Variants in IGFL2 observed in about 807,000 individuals in gnomAD.
IGFL2 encodes IGF like family member 2, also known as insulin growth factor-like family member 2.
A neutral mutation model predicts 13.9 loss-of-function variants in IGFL2; 7 were observed. The observed-to-expected ratio is 0.51, with a 90% CI of 0.29 to 0.95. The LOEUF is 0.95. Among genes scored for constraint, IGFL2 ranks in the 40% least tolerant of loss-of-function variants. The pLI, the probability that IGFL2 is intolerant of heterozygous loss-of-function variation, is 0.08. For synonymous variants in IGFL2, 55 were observed against 55.8 expected, an observed-to-expected ratio of 0.99 and a Z score of 0.07; for missense variants, 138 against 147.8, an observed-to-expected ratio of 0.93 and a Z score of 0.34.
At chr19:46,136,852 G>T in the IGFL2 span, 1 of 723,388 alleles carries the variant, frequency 1.4e-6, no homozygotes, top group Non-Finnish European at 2.6e-6. Flanking sequence ...ATTGGAGTAG[G>T]GGGAGGAGTG....
chr19:46,139,064 TGGCAAGAGTG>T (rs917680415), upstream of IGFL2, among the ~76,000 whole-genome samples: 1 of 152,088 alleles, frequency 6.6e-6, no homozygotes, highest in Admixed American at 6.5e-5. Context: ...TGGAGGTCTC[TGGCAAGAGTG>T]GGCCACTCCA....
the IGFL2 span, chr19:46,212,512 C>G: frequency 6.6e-6 from 1 of 152,216 alleles, no homozygotes; most frequent in Non-Finnish European, 1.5e-5. Context: ...TTCTTCCCCT[C>G]TGTTTTTTCG....
At chr19:46,144,915 C>T (rs1236391945), upstream of IGFL2, among the ~76,000 whole-genome samples, 5 of 152,268 alleles carry the variant, frequency 3.3e-5, no homozygotes, top group Admixed American at 1.3e-4. Context: ...GTATCTGACA[C>T]GGTGCCTTTG....
At chr19:46,165,747 A>G (rs1974371821), downstream of IGFL2, among the ~76,000 whole-genome samples, 1 of 152,218 alleles carries the variant, frequency 6.6e-6, no homozygotes, top group South Asian at 2.1e-4. Flanking sequence ...ATCCACTGAT[A>G]GTATCTGGCT....
the IGFL2 span, among the ~76,000 whole-genome samples, chr19:46,101,754 C>T: frequency 5.7e-3 from 875 of 152,326 alleles, 8 homozygotes; most frequent in African/African-American, 0.019. Flanking sequence ...AGGCAGACTC[C>T]GGCCCAACCG....
chr19:46,174,509 A>G, the IGFL2 span, among the ~76,000 whole-genome samples: 126 of 152,360 alleles, frequency 8.3e-4, 2 homozygotes, highest in Middle Eastern at 0.017. Context: ...AGCATAGCTG[A>G]AAGTTTCCCA....
At chr19:46,110,927 A>G in the IGFL2 span, among the ~76,000 whole-genome samples, 4 of 152,134 alleles carry the variant, frequency 2.6e-5, no homozygotes, top group African/African-American at 9.7e-5. Context: ...ATATTCCTTG[A>G]TTTAATAATG....
At chr19:46,099,736 C>G in the IGFL2 span, among the ~76,000 whole-genome samples, 1 of 152,006 alleles carries the variant, frequency 6.6e-6, no homozygotes, top group African/African-American at 2.4e-5. Context: ...CCATCTTATC[C>G]AGGCTGGTCT....
intron 1 of IGFL2, 149 bp downstream of exon 1, chr19:46,148,446 C>T: frequency 4.0e-6 from 3 of 745,290 alleles, no homozygotes; most frequent in Middle Eastern, 5.4e-4. Context: ...ATTGCAATCT[C>T]TCTTCCCCAC....
At chr19:46,083,120 A>G in the IGFL2 span, among the ~76,000 whole-genome samples, 1 of 152,210 alleles carries the variant, frequency 6.6e-6, no homozygotes, top group Non-Finnish European at 1.5e-5. Flanking sequence ...TTAGTTTTCA[A>G]TTAGTTTTTC....
chr19:46,147,479 A>G (rs1973199734), upstream of IGFL2, among the ~76,000 whole-genome samples: 1 of 152,230 alleles, frequency 6.6e-6, no homozygotes, highest in Admixed American at 6.5e-5. Flanking sequence ...TCATAAGTCA[A>G]ATACTTGAAA....
chr19:46,098,862 T>C, the IGFL2 span, among the ~76,000 whole-genome samples: 1 of 152,224 alleles, frequency 6.6e-6, no homozygotes, highest in Admixed American at 6.5e-5. Context: ...GATCCTGTCA[T>C]CATGATGCTA....
chr19:46,121,565 C>T, the IGFL2 span, among the ~76,000 whole-genome samples: 5 of 150,036 alleles, frequency 3.3e-5, no homozygotes, highest in African/African-American at 1.2e-4. Context: ...AATTATGAGA[C>T]AAAGACAAGA....
At chr19:46,103,045 C>T in the IGFL2 span, among the ~76,000 whole-genome samples, 1 of 151,970 alleles carries the variant, frequency 6.6e-6, no homozygotes, top group African/African-American at 2.4e-5. Flanking sequence ...ACACAAGGTC[C>T]AAATAAGAGA....
At chr19:46,124,382 CA>C in the IGFL2 span, 1 of 1,445,662 alleles carries the variant, frequency 6.9e-7, no homozygotes, top group Non-Finnish European at 9.6e-7. Flanking sequence ...ATGGAAAAAA[CA>C]AACAAACAAA....
chr19:46,108,926 G>A, the IGFL2 span, among the ~76,000 whole-genome samples: 1 of 152,216 alleles, frequency 6.6e-6, no homozygotes, highest in Non-Finnish European at 1.5e-5. Context: ...AGAAGAGAGT[G>A]AAAAGACCGC....
At chr19:46,127,086 TAAG>T in the IGFL2 span, among the ~76,000 whole-genome samples, 1 of 152,128 alleles carries the variant, frequency 6.6e-6, no homozygotes, top group African/African-American at 2.4e-5. Context: ...TGTGCTTTCT[TAAG>T]AAAGCTGCAA....
chr19:46,134,179 T>C, the IGFL2 span, among the ~76,000 whole-genome samples: 1 of 152,224 alleles, frequency 6.6e-6, no homozygotes, highest in South Asian at 2.1e-4. Flanking sequence ...ACATTCTTTC[T>C]GGAATCTTGG....
At chr19:46,125,972 A>G in the IGFL2 span, among the ~76,000 whole-genome samples, 1 of 152,236 alleles carries the variant, frequency 6.6e-6, no homozygotes, top group African/African-American at 2.4e-5. Flanking sequence ...TTCATCTTAC[A>G]GAAGTGGCAA....
Sources: allele counts gnomAD v4.1 joint callset (sites outside exome capture counted in the v4.1 genomes callset), GRCh38; gene constraint gnomAD v4.1.1; transcripts MANE v1.5; gene names NCBI Gene and HGNC (gene_info 2026-07-23, HGNC 2026-07-21).